Variants in CNTNAP2 observed in about 807,000 individuals in gnomAD.
CNTNAP2 encodes contactin-associated protein-like 2.
A neutral mutation model predicts 155.2 loss-of-function variants in CNTNAP2; 98 were observed. The observed-to-expected ratio is 0.63, with a 90% confidence interval of 0.54 to 0.75. The LOEUF (loss-of-function observed/expected upper bound fraction) is 0.75. Ranked by LOEUF, CNTNAP2 falls within the 30% of genes least tolerant of loss-of-function variation. The pLI is 0.00. For synonymous variants in CNTNAP2, 651 were observed against 631.2 expected (o/e 1.03, Z -0.47); for missense variants, 1,727 against 1,688.1 (o/e 1.02, Z -0.40).
At chr7:147,171,316 C>A (rs1291548503) in intron 8 of CNTNAP2, among the ~76,000 whole-genome samples, 1 of 152,112 alleles carries the variant, frequency 6.6e-6, no homozygotes, top group East Asian at 1.9e-4. Context: ...CTCTGAAGAT[C>A]TTTTTAAATT....
At chr7:146,898,819 C>T (rs1295330603) in intron 3 of CNTNAP2, among the ~76,000 whole-genome samples, 1 of 151,888 alleles carries the variant, frequency 6.6e-6, no homozygotes, top group Admixed American at 6.6e-5. Context: ...AGGTGTAGAC[C>T]TTAAAAGGGG....
intron 3 of CNTNAP2, among the ~76,000 whole-genome samples, chr7:146,968,309 A>T (rs1797702960): frequency 6.6e-6 from 1 of 152,140 alleles, no homozygotes; most frequent in African/African-American, 2.4e-5. Flanking sequence ...TGGTATCAGG[A>T]TAATGCTGGC....
At chr7:146,135,866 G>T (rs1797789723) in intron 1 of CNTNAP2, among the ~76,000 whole-genome samples, 1 of 152,022 alleles carries the variant, frequency 6.6e-6, no homozygotes, top group Non-Finnish European at 1.5e-5. Flanking sequence ...AAAAATGCTT[G>T]TCTCTCTATG....
chr7:146,770,126 A>T (rs1459422541), intron 1 of CNTNAP2, among the ~76,000 whole-genome samples: 1 of 152,046 alleles, frequency 6.6e-6, no homozygotes, highest in East Asian at 1.9e-4. Flanking sequence ...ATTTGATTTT[A>T]TTCTATTTAG....
intron 13 of CNTNAP2, among the ~76,000 whole-genome samples, chr7:147,804,476 T>A (rs948240873): frequency 6.6e-6 from 1 of 152,110 alleles, no homozygotes; most frequent in Non-Finnish European, 1.5e-5. Context: ...TCACACTCCA[T>A]CTAAGATAAA....
intron 1 of CNTNAP2, among the ~76,000 whole-genome samples, chr7:146,366,009 T>C (rs1249986473): frequency 6.6e-6 from 1 of 152,118 alleles, no homozygotes; most frequent in Admixed American, 6.6e-5. Flanking sequence ...ATAATGGGAG[T>C]ATCCTTATTT....
At chr7:147,375,065 T>C (rs763674464) in intron 9 of CNTNAP2, among the ~76,000 whole-genome samples, 6 of 152,016 alleles carry the variant, frequency 3.9e-5, no homozygotes, top group Non-Finnish European at 8.8e-5. Context: ...GTTTTCCTTC[T>C]TGCTCTCTCT....
intron 9 of CNTNAP2, among the ~76,000 whole-genome samples, chr7:147,341,798 ACAC>A (rs1795769318): frequency 6.9e-6 from 1 of 145,432 alleles, no homozygotes; most frequent in African/African-American, 2.5e-5. Context: ...ACACACACAC[ACAC>A]AAATGCTACA....
chr7:147,475,146 T>C (rs1243151844), intron 10 of CNTNAP2, among the ~76,000 whole-genome samples: 2 of 152,224 alleles, frequency 1.3e-5, no homozygotes, highest in Non-Finnish European at 2.9e-5. Flanking sequence ...AACCAATAAA[T>C]ATTTTTCCCT....
rs867718967 is a variant in CNTNAP2 at position 146,721,264 on chromosome 7, C to A, written c.98-53007C>A. Among the ~76,000 whole-genome samples the A allele has an allele frequency of 2.8e-3, 347 of 124,726 alleles. 15 individuals are homozygous for A. Among genetic ancestry groups the A allele is most frequent in the East Asian group, 8.4e-3 (38 of 4,526 alleles). The allele number at this position is 124,726 out of a possible 152,430, so 81.8% of individuals were successfully genotyped here. ...TCTCTCTATATTCTCTATATACTCTCTATATATTCTATATATATTCTATAT... is the reference window on the plus strand; with the variant it reads ...TCTCTCTATATTCTCTATATACTCTATATATATTCTATATATATTCTATAT... On this transcript the variant is annotated intron_variant, in intron 1 of 23. Coordinates refer to ENST00000361727, the MANE Select transcript of CNTNAP2 (RefSeq NM_014141.6).
At chr7:147,796,469 A>T (rs1011573594) in intron 13 of CNTNAP2, among the ~76,000 whole-genome samples, 3 of 152,242 alleles carry the variant, frequency 2.0e-5, no homozygotes, top group Non-Finnish European at 4.4e-5. Context: ...ATTATATTTT[A>T]TCTAGGATAG....
chr7:147,876,531 T>C (rs1799421694), intron 13 of CNTNAP2, among the ~76,000 whole-genome samples: 1 of 152,164 alleles, frequency 6.6e-6, no homozygotes, highest in Non-Finnish European at 1.5e-5. Context: ...TAACACCAGA[T>C]AATGGGTAAA....
intron 13 of CNTNAP2, among the ~76,000 whole-genome samples, chr7:147,859,069 C>T (rs553055150): frequency 3.8e-4 from 58 of 152,188 alleles, no homozygotes; most frequent in African/African-American, 5.1e-4. Flanking sequence ...AATGTCCTCC[C>T]GCTTCTCAAG....
At chr7:146,359,378 G>T (rs1795049129) in intron 1 of CNTNAP2, among the ~76,000 whole-genome samples, 1 of 152,208 alleles carries the variant, frequency 6.6e-6, no homozygotes, top group Non-Finnish European at 1.5e-5. Flanking sequence ...TGGAAATCAG[G>T]CACTTGGCTT....
At chr7:147,610,706 C>T (rs1801167756) in intron 12 of CNTNAP2, among the ~76,000 whole-genome samples, 3 of 152,042 alleles carry the variant, frequency 2.0e-5, no homozygotes, top group South Asian at 2.1e-4. Context: ...CCCAGGCAAA[C>T]GTCCTAAAAC....
intron 9 of CNTNAP2, among the ~76,000 whole-genome samples, chr7:147,362,051 A>G (rs1023894638): frequency 9.2e-5 from 14 of 152,166 alleles, no homozygotes; most frequent in African/African-American, 3.1e-4. Flanking sequence ...GGCCCTTCCA[A>G]CTAGAGAGTC....
chr7:146,497,882 TACA>T (rs1797242644), intron 1 of CNTNAP2, among the ~76,000 whole-genome samples: 6 of 144,876 alleles, frequency 4.1e-5, no homozygotes, highest in Admixed American at 1.4e-4. Flanking sequence ...AACACATATA[TACA>T]ATTATATATG....
chr7:147,234,826 C>T (rs1485749664), intron 8 of CNTNAP2, among the ~76,000 whole-genome samples: 5 of 152,076 alleles, frequency 3.3e-5, no homozygotes, highest in Middle Eastern at 3.2e-3. Context: ...TGGTTAGTTT[C>T]AAGTTTTGCA....
intron 17 of CNTNAP2, among the ~76,000 whole-genome samples, chr7:148,157,519 C>G (rs1585157175): frequency 7.2e-6 from 1 of 139,646 alleles, no homozygotes; most frequent in African/African-American, 2.7e-5. Context: ...TGGGAAATAT[C>G]TTTTTACTGG....
Sources: gnomAD v4.1 joint callset for allele counts (sites outside exome capture counted in the v4.1 genomes callset) on GRCh38, gnomAD v4.1.1 for gene constraint, MANE v1.5 for transcripts, NCBI Gene and HGNC (gene_info 2026-07-23, HGNC 2026-07-21) for gene names.